Variants in MAML2 observed in about 807,000 individuals in gnomAD.
The protein encoded by MAML2 is mastermind like transcriptional coactivator 2.
Under a neutral mutation model 96.1 loss-of-function variants are expected in MAML2, and 22 were observed. The observed-to-expected ratio is 0.23, with a 90% confidence interval of 0.16 to 0.33. The LOEUF (loss-of-function observed/expected upper bound fraction) is 0.33. Among genes scored for constraint, MAML2 ranks in the 10% least tolerant of loss-of-function variants. MAML2 has a pLI of 1.00. For missense variants in MAML2, 1,367 were observed against 1,392.4 expected, an observed-to-expected ratio of 0.98 and a Z score of 0.29; for synonymous variants, 561 against 521.3, an observed-to-expected ratio of 1.08 and a Z score of -1.04.
At chr11:96,282,815 A>C (rs1233737592) in intron 1 of MAML2, among the ~76,000 whole-genome samples, 1 of 152,222 alleles carries the variant, frequency 6.6e-6, no homozygotes, top group Non-Finnish European at 1.5e-5. Context: ...TTAGCAAATA[A>C]TCTTCAAAAA....
intron 1 of MAML2, among the ~76,000 whole-genome samples, chr11:96,224,091 T>G (rs991279750): frequency 4.6e-5 from 7 of 152,286 alleles, no homozygotes; most frequent in Non-Finnish European, 8.8e-5. Context: ...GGGTGACTTA[T>G]TTCAACTATT....
At chr11:96,151,376 C>CAGTTATG (rs1860918473) in intron 1 of MAML2, among the ~76,000 whole-genome samples, 3 of 152,200 alleles carry the variant, frequency 2.0e-5, no homozygotes, top group Admixed American at 2.0e-4. Context: ...TCTTGCATTA[C>CAGTTATG]AGTTATGAGT....
intron 1 of MAML2, among the ~76,000 whole-genome samples, chr11:96,163,955 C>T (rs982717986): frequency 7.4e-5 from 11 of 149,274 alleles, no homozygotes; most frequent in African/African-American, 2.2e-4. Context: ...CTCTGCCTCC[C>T]GGGTTCAAGC....
At chr11:96,299,669 C>T (rs995977534) in intron 1 of MAML2, among the ~76,000 whole-genome samples, 1 of 152,146 alleles carries the variant, frequency 6.6e-6, no homozygotes, top group Non-Finnish European at 1.5e-5. Flanking sequence ...GGAGGGAGGA[C>T]CACTTTGAGA....
At chr11:96,043,875 G>A (rs186409125) in intron 2 of MAML2, among the ~76,000 whole-genome samples, 2 of 152,286 alleles carry the variant, frequency 1.3e-5, no homozygotes, top group African/African-American at 2.4e-5. Flanking sequence ...TCCAACAGAG[G>A]CATTCAAAGA....
At chr11:96,160,923 C>A (rs1385457038) in intron 1 of MAML2, among the ~76,000 whole-genome samples, 2 of 152,224 alleles carry the variant, frequency 1.3e-5, no homozygotes, top group Middle Eastern at 3.2e-3. Context: ...GAGTCCCCGC[C>A]CTCTGCGAGT....
rs1408374957 is a variant in MAML2, at chr11:95,979,813, A to G, written c.2606T>C (p.Met869Thr). The G allele has an allele frequency of 1.9e-6, 3 of 1,613,850 alleles. No individual in the cohort carries two copies. The African/African-American group carries it at 4.0e-5, about 22-fold the overall frequency. ...TTGATTACAAGGCAGATTTCCATAC[A>G]TCCCCATATTCTGAACTGCTGTAGA... ...SLSTAVQNMG[M>T]YGNLPCNQPN... Residue 869 changes from methionine (M) to threonine (T), a missense_variant, in exon 5 of 5, where the codon ATG becomes ACG. Met to Thr is a moderately conservative substitution (Grantham distance 81). Coordinates refer to ENST00000524717, the MANE Select transcript of MAML2 (RefSeq NM_032427.4).
intron 1 of MAML2, among the ~76,000 whole-genome samples, chr11:96,142,080 A>C (rs948042307): frequency 2.0e-5 from 3 of 152,258 alleles, no homozygotes; most frequent in African/African-American, 7.2e-5. Flanking sequence ...TGGTGCTCAC[A>C]ATCTAGTGCA....
intron 1 of MAML2, among the ~76,000 whole-genome samples, chr11:96,118,271 C>T (rs1272495653): frequency 6.6e-6 from 1 of 152,024 alleles, no homozygotes; most frequent in Non-Finnish European, 1.5e-5. Context: ...GGCTCTGTGT[C>T]CCCAACCAAA....
chr11:96,018,877 C>T (rs528926792), intron 2 of MAML2, among the ~76,000 whole-genome samples: 5 of 152,282 alleles, frequency 3.3e-5, no homozygotes, highest in South Asian at 2.1e-4. Flanking sequence ...GTGTGAGCCA[C>T]GGCGCCTGGC....
intron 2 of MAML2, among the ~76,000 whole-genome samples, chr11:96,053,683 T>G (rs1859020950): frequency 6.6e-6 from 1 of 152,202 alleles, no homozygotes; most frequent in African/African-American, 2.4e-5. Context: ...AATTTTCCTG[T>G]GTACTTATGT....
At chr11:96,268,373 G>A (rs1862861259) in intron 1 of MAML2, among the ~76,000 whole-genome samples, 1 of 152,152 alleles carries the variant, frequency 6.6e-6, no homozygotes, top group African/African-American at 2.4e-5. Context: ...TGTAGTCCTA[G>A]CTACTCCAGA....
At chr11:96,254,391 CTTTTTT>C (rs201328694) in intron 1 of MAML2, among the ~76,000 whole-genome samples, 2 of 136,072 alleles carry the variant, frequency 1.5e-5, no homozygotes, top group African/African-American at 2.7e-5. Context: ...TGTTGCAGCT[CTTTTTT>C]TTTTTTTTTT....
intron 2 of MAML2, among the ~76,000 whole-genome samples, chr11:96,079,594 G>T (rs1002163026): frequency 6.6e-6 from 1 of 152,200 alleles, no homozygotes; most frequent in Non-Finnish European, 1.5e-5. Context: ...CATGGAGAAA[G>T]CACTTGGCAT....
At chr11:96,315,077 T>C (rs534678045) in intron 1 of MAML2, among the ~76,000 whole-genome samples, 4 of 152,362 alleles carry the variant, frequency 2.6e-5, no homozygotes, top group Admixed American at 1.3e-4. Context: ...CTAATCTGAT[T>C]TCAACAACCT....
chr11:95,992,785 G>A (rs1352681173), intron 2 of MAML2, among the ~76,000 whole-genome samples: 1 of 152,192 alleles, frequency 6.6e-6, no homozygotes, highest in Non-Finnish European at 1.5e-5. Context: ...TGAGGCTATA[G>A]ATCAGGGTAC....
intron 1 of MAML2, among the ~76,000 whole-genome samples, chr11:96,281,363 TA>T (rs1422535941): frequency 1.3e-5 from 2 of 151,930 alleles, no homozygotes. Context: ...GTGTTGCCGC[TA>T]GGGGTGAATA....
intron 2 of MAML2, among the ~76,000 whole-genome samples, chr11:96,021,912 G>A (rs1241741347): frequency 6.6e-6 from 1 of 152,202 alleles, no homozygotes; most frequent in Non-Finnish European, 1.5e-5. Context: ...GGCTCCAGGT[G>A]CAACCCAGAT....
chr11:96,245,646 A>C (rs1036273746), intron 1 of MAML2, among the ~76,000 whole-genome samples: 11 of 151,902 alleles, frequency 7.2e-5, no homozygotes, highest in African/African-American at 2.7e-4. Flanking sequence ...TTGTATGGCT[A>C]TGAAATTGTG....
Sources: allele counts gnomAD v4.1 joint callset (sites outside exome capture counted in the v4.1 genomes callset), GRCh38; gene constraint gnomAD v4.1.1; transcripts MANE v1.5; gene names NCBI Gene and HGNC (gene_info 2026-07-23, HGNC 2026-07-21).